The following KDM3A variants were observed in gnomAD, a reference collection of about 807,000 sequenced individuals.
KDM3A encodes the protein lysine-specific demethylase 3A.
A neutral mutation model predicts 158.0 loss-of-function variants in KDM3A; 60 were observed. The observed-to-expected ratio is 0.38, with a 90% CI of 0.31 to 0.47. The LOEUF (loss-of-function observed/expected upper bound fraction) is 0.47. Ranked by LOEUF, KDM3A falls within the 20% of genes least tolerant of loss-of-function variation. The pLI is 0.99. For missense variants in KDM3A, 1,319 were observed against 1,574.3 expected, an observed-to-expected ratio of 0.84 and a Z score of 2.74; for synonymous variants, 608 against 549.3, an observed-to-expected ratio of 1.11 and a Z score of -1.49.
At chr2:86,454,175 T>G (rs1019130147) in intron 4 of KDM3A, among the ~76,000 whole-genome samples, 1 of 152,224 alleles carries the variant, frequency 6.6e-6, no homozygotes, top group African/African-American at 2.4e-5. Flanking sequence ...ACTAGTTAGG[T>G]TAAATGAATC....
At position 86,466,374 on chromosome 2, in the gene KDM3A, G is replaced by A. The variant is rs1301134394; in HGVS notation, c.1010G>A (p.Cys337Tyr). Reference protein sequence around the residue: ...PNLGAKIPQGCHKQSLPEEIS... With the variant: ...PNLGAKIPQGYHKQSLPEEIS... ...GCTTTCTATATTATATTTTTCAGAT[G>A]TCATAAACAAAGTTTACCAGAGGAA... The change falls in exon 10 of 26, where the codon TGT (cysteine) becomes TAT (tyrosine). Residue 337 changes from cysteine to tyrosine, a missense_variant and splice_region_variant. Physicochemically the swap from Cys to Tyr is radical, Grantham distance 194. Coordinates refer to ENST00000312912, the MANE Select transcript of KDM3A (RefSeq NM_018433.6). 2 of 1,605,982 alleles carry A rather than the reference G, an allele frequency of 1.2e-6. No homozygotes were observed. The highest frequency in any genetic ancestry group is 2.2e-5 in the East Asian group (1 of 44,792).
At chr2:86,460,627 C>A (rs997760131) in intron 8 of KDM3A, among the ~76,000 whole-genome samples, 1 of 152,168 alleles carries the variant, frequency 6.6e-6, no homozygotes, top group African/African-American at 2.4e-5. Flanking sequence ...ATACCTGGCT[C>A]CTTGAAGGTC....
intron 11 of KDM3A, among the ~76,000 whole-genome samples, chr2:86,473,959 C>G (rs890200867): frequency 6.6e-6 from 1 of 152,196 alleles, no homozygotes; most frequent in African/African-American, 2.4e-5. Flanking sequence ...ATATAGGCAC[C>G]AAGTACCTCA....
chr2:86,452,749 C>T (rs1351999157), intron 4 of KDM3A, among the ~76,000 whole-genome samples: 3 of 152,182 alleles, frequency 2.0e-5, no homozygotes, highest in Admixed American at 6.5e-5. Flanking sequence ...GAGCCTGTAT[C>T]GGGAAGCCCA....
chr2:86,459,398 T>C (rs1672835316), intron 8 of KDM3A, among the ~76,000 whole-genome samples: 1 of 152,116 alleles, frequency 6.6e-6, no homozygotes, highest in African/African-American at 2.4e-5. Flanking sequence ...GAGTTAGAAG[T>C]AGTAAATATC....
chr2:86,487,245 T>C (rs1674225182), intron 21 of KDM3A: 2 of 152,220 alleles, frequency 1.3e-5, no homozygotes, highest in Admixed American at 1.3e-4. Context: ...CCCTAGACAC[T>C]AATAGATGGC....
chr2:86,491,373 CGTACTTA>C (rs1674448684), intron 25 of KDM3A, 98 bp downstream of exon 25: 1 of 1,240,772 alleles, frequency 8.1e-7, no homozygotes, highest in Non-Finnish European at 1.2e-6. Flanking sequence ...TTGGCCATAT[CGTACTTA>C]GTACACAGTG....
chr2:86,442,459 T>G (rs1682770699), intron 2 of KDM3A: 1 of 478,328 alleles, frequency 2.1e-6, no homozygotes, highest in African/African-American at 2.0e-5. Flanking sequence ...GGCTTAGGGT[T>G]GTTCAGACAC....
At chr2:86,490,508 G>C (rs1674402315) in intron 23 of KDM3A, 1 of 163,358 alleles carries the variant, frequency 6.1e-6, no homozygotes, top group Non-Finnish European at 1.3e-5. Flanking sequence ...AGCTGTCTTT[G>C]GGACTGTTTC....
intron 4 of KDM3A, among the ~76,000 whole-genome samples, chr2:86,454,356 A>G (rs997414768): frequency 2.6e-5 from 4 of 152,180 alleles, no homozygotes; most frequent in African/African-American, 9.7e-5. Context: ...GCTCATCCCC[A>G]GGGTGGCCAC....
At position 86,455,188 on chromosome 2, in the gene KDM3A, GTA is replaced by G. The variant is rs1672636500; in HGVS notation, c.556+5_556+6del. 6.5e-7 allele frequency: 1 copy of G among 1,529,212 alleles called. No individual in the cohort carries two copies. The allele number at this position is 1,529,212 out of a possible 1,614,324, so 94.7% of individuals were successfully genotyped here. On this transcript the variant is annotated splice_donor_variant and splice_donor_region_variant and intron_variant, in intron 5 of 25. Transcript: ENST00000312912. LOFTEE classifies it high-confidence loss of function. ...TTAGATGAAAGCCATCTTTTAAAAG[GTA>G]TATGCATTATCTAGTGGTGATAGTT... is the stretch of plus-strand genomic sequence containing the variant.
intron 2 of KDM3A, among the ~76,000 whole-genome samples, chr2:86,449,255 C>T (rs1315356138): frequency 6.6e-6 from 1 of 152,182 alleles, no homozygotes; most frequent in Admixed American, 6.5e-5. Flanking sequence ...ACTCCAAATT[C>T]TGTGGTAAAT....
At chr2:86,460,495 C>T (rs1672881546) in intron 8 of KDM3A, among the ~76,000 whole-genome samples, 2 of 152,056 alleles carry the variant, frequency 1.3e-5, no homozygotes, top group Admixed American at 6.6e-5. Flanking sequence ...TTTGCACTTC[C>T]CAGATGTGTT....
chr2:86,482,229 C>T lies in KDM3A; in HGVS notation c.2685+127C>T. On this transcript the variant is annotated intron_variant, in intron 17 of 25. Coordinates refer to ENST00000312912, the MANE Select transcript of KDM3A (RefSeq NM_018433.6). ...TACTTACCTTTGTGGGTTCAGAAGG[C>T]TGAGTCACTGGAGGATGGGTTTTAT... is the stretch of plus-strand genomic sequence containing the variant. The T allele has an allele frequency of 6.6e-6, 8 of 1,215,358 alleles. No homozygotes were observed. The South Asian group carries it at 6.7e-5, about 10-fold the overall frequency. 75.3% of individuals were successfully genotyped at this position (1,215,358 alleles called of 1,614,324 possible). A position where few individuals can be genotyped will look rare whatever the true frequency, so the allele number is the denominator to read the frequency against.
chr2:86,481,794 A>G (rs1673941478), intron 16 of KDM3A, 136 bp from the exon 17 acceptor site: 3 of 643,928 alleles, frequency 4.7e-6, no homozygotes, highest in Admixed American at 2.9e-5. Context: ...CATATCATTC[A>G]TACTTACTCC....
chr2:86,466,581 T>C lies in KDM3A; in HGVS notation c.1217T>C (p.Val406Ala). The change falls in exon 10 of 26, where the codon GTT becomes GCT. Residue 406 changes from valine to alanine, a missense_variant. Around this residue, in one of 4 missense-constraint regions of KDM3A, gnomAD observed 652 missense variants for 627.2 expected, o/e 1.04. Coordinates refer to ENST00000312912, the MANE Select transcript of KDM3A (RefSeq NM_018433.6). ...NTDQENRLESVPQALTGLPKE... is the reference protein window; with the variant it reads ...NTDQENRLESAPQALTGLPKE... ...GATCAGGAAAACAGATTGGAGTCTGTTCCACAAGCATTGACTGGCCTTCCT... is the reference window on the plus strand; with the variant it reads ...GATCAGGAAAACAGATTGGAGTCTGCTCCACAAGCATTGACTGGCCTTCCT... The C allele has an allele frequency of 6.2e-7, 1 of 1,613,926 alleles. No individual in the cohort carries two copies. The highest frequency in any genetic ancestry group is 8.5e-7 in the Non-Finnish European group (1 of 1,179,892).
chr2:86,480,972 T>C lies in KDM3A; in HGVS notation c.2512+610T>C, dbSNP rs368331452. 1.2e-4 allele frequency among the ~76,000 whole-genome samples: 19 copies of C among 152,310 alleles called. No individual in the cohort carries two copies. The East Asian group carries it at 2.5e-3, about 20-fold the overall frequency. ...TTACTGATGAGGAAGCTGAAGCATA[T>C]AGAAACCAGCTCATTTGAGCCGAAG... is the stretch of plus-strand genomic sequence containing the variant. On this transcript the variant is annotated intron_variant, in intron 16 of 25. Coordinates refer to ENST00000312912, the MANE Select transcript of KDM3A (RefSeq NM_018433.6).
chr2:86,461,374 C>T (rs115254391), intron 8 of KDM3A, among the ~76,000 whole-genome samples: 54 of 152,280 alleles, frequency 3.5e-4, no homozygotes, highest in African/African-American at 1.3e-3. Context: ...CAGTGGTGAT[C>T]ATCACTTCCT....
intron 11 of KDM3A, among the ~76,000 whole-genome samples, chr2:86,473,756 AAAAG>A (rs1242055777): frequency 1.3e-5 from 2 of 152,178 alleles, no homozygotes; most frequent in Non-Finnish European, 2.9e-5. Context: ...CTCAAAAAGA[AAAAG>A]AAAAATTTTG....
Sources: gnomAD v4.1 joint callset for allele counts (sites outside exome capture counted in the v4.1 genomes callset) on GRCh38, gnomAD v4.1.1 for gene constraint, gnomAD v4.1.1 regional missense constraint, MANE v1.5 for transcripts, NCBI Gene and HGNC (gene_info 2026-07-23, HGNC 2026-07-21) for gene names.